The following CADM2 variants were observed in gnomAD, a reference collection of about 807,000 sequenced individuals.
The protein encoded by CADM2 is cell adhesion molecule 2, also known as immunoglobulin superfamily member 4D.
CADM2 carries 12 observed loss-of-function variants against 49.8 expected under a neutral mutation model. The observed-to-expected ratio is 0.24, with a 90% CI of 0.15 to 0.39. CADM2 has a LOEUF of 0.39. CADM2 is among the 10% of genes least tolerant of loss of function. The pLI, the probability that CADM2 is intolerant of heterozygous loss-of-function variation, is 1.00. For synonymous variants in CADM2, 214 were observed against 175.4 expected, an observed-to-expected ratio of 1.22 and a Z score of -1.74; for missense variants, 378 against 492.3, an observed-to-expected ratio of 0.77 and a Z score of 2.20.
At chr3:85,562,943 A>C (rs1039669741) in intron 1 of CADM2, among the ~76,000 whole-genome samples, 1 of 152,196 alleles carries the variant, frequency 6.6e-6, no homozygotes, top group Non-Finnish European at 1.5e-5. Context: ...AAGGGAAATC[A>C]TGGCCTTACA....
chr3:85,460,288 AT>A (rs1203515792), intron 1 of CADM2, among the ~76,000 whole-genome samples: 3 of 151,776 alleles, frequency 2.0e-5, no homozygotes, highest in African/African-American at 4.8e-5. Context: ...AGAAAAAAAA[AT>A]GTGTTATCTA....
intron 1 of CADM2, among the ~76,000 whole-genome samples, chr3:85,339,563 C>T (rs1433709): frequency 6.6e-6 from 1 of 150,382 alleles, no homozygotes; most frequent in African/African-American, 2.4e-5. Flanking sequence ...TTCTATTTTT[C>T]TCATCTTTTC....
intron 1 of CADM2, among the ~76,000 whole-genome samples, chr3:85,147,140 T>G (rs941025148): frequency 1.3e-5 from 2 of 151,322 alleles, no homozygotes; most frequent in Middle Eastern, 3.2e-3. Context: ...CCGGGCATGG[T>G]GGCGGGCGCC....
rs538800765 is a variant in CADM2 at position 85,995,396 on chromosome 3, G to A, written c.970+33749G>A. On this transcript the variant is annotated intron_variant, in intron 8 of 9. Transcript: ENST00000383699. Reference sequence around the variant, plus strand: ...TCTACATAACATGAAGTCACTCAATGTAAAACTTTATTCTTAAGTGACACT... The same window carrying A: ...TCTACATAACATGAAGTCACTCAATATAAAACTTTATTCTTAAGTGACACT... Among the ~76,000 whole-genome samples, 4 of 152,198 alleles carry A rather than the reference G, an allele frequency of 2.6e-5. No individual in the cohort carries two copies. The East Asian group carries it at 7.8e-4, about 30-fold the overall frequency.
chr3:86,040,538 G>T (rs1735744691), intron 8 of CADM2, among the ~76,000 whole-genome samples: 3 of 152,172 alleles, frequency 2.0e-5, no homozygotes, highest in Admixed American at 6.5e-5. Context: ...AGAGAAAAAA[G>T]AATAAAAGAA....
chr3:85,029,868 A>G (rs890487291), intron 1 of CADM2, among the ~76,000 whole-genome samples: 4 of 152,162 alleles, frequency 2.6e-5, no homozygotes, highest in African/African-American at 9.7e-5. Flanking sequence ...GACATTTCTC[A>G]TGTTCCTTCA....
chr3:85,398,691 C>T (rs901831844), intron 1 of CADM2, among the ~76,000 whole-genome samples: 11 of 152,096 alleles, frequency 7.2e-5, no homozygotes, highest in South Asian at 2.1e-4. Flanking sequence ...TTTTAATGAT[C>T]GCCATTGTAA....
At chr3:85,413,550 A>G (rs1391695832) in intron 1 of CADM2, among the ~76,000 whole-genome samples, 1 of 152,164 alleles carries the variant, frequency 6.6e-6, no homozygotes, top group Non-Finnish European at 1.5e-5. Context: ...AGGCCTCAGG[A>G]AACTTACAAT....
intron 1 of CADM2, among the ~76,000 whole-genome samples, chr3:85,648,597 CT>C (rs1000002058): frequency 6.6e-6 from 1 of 151,882 alleles, no homozygotes; most frequent in African/African-American, 2.4e-5. Flanking sequence ...GGGCATATAA[CT>C]TTGTTAAATT....
chr3:85,420,337 T>C (rs1474924831), intron 1 of CADM2, among the ~76,000 whole-genome samples: 2 of 152,236 alleles, frequency 1.3e-5, no homozygotes, highest in African/African-American at 2.4e-5. Context: ...GTCACAGTCA[T>C]TGATCTGTAA....
At chr3:85,284,333 A>G (rs2043576132) in intron 1 of CADM2, among the ~76,000 whole-genome samples, 1 of 152,158 alleles carries the variant, frequency 6.6e-6, no homozygotes, top group Non-Finnish European at 1.5e-5. Flanking sequence ...TTCCATGGAT[A>G]TAGAAAAACT....
chr3:85,829,081 C>T (rs1232005079), intron 3 of CADM2, among the ~76,000 whole-genome samples: 11 of 151,932 alleles, frequency 7.2e-5, no homozygotes, highest in Non-Finnish European at 1.3e-4. Context: ...CTTCTTGTAA[C>T]ACTGATTTAT....
intron 2 of CADM2, among the ~76,000 whole-genome samples, chr3:85,775,312 T>C (rs1301761381): frequency 2.0e-5 from 3 of 151,724 alleles, no homozygotes; most frequent in Non-Finnish European, 4.4e-5. Context: ...TGCAAAACAA[T>C]TTAATTTATC....
At chr3:85,113,823 T>C (rs2038547864) in intron 1 of CADM2, among the ~76,000 whole-genome samples, 1 of 151,986 alleles carries the variant, frequency 6.6e-6, no homozygotes, top group Non-Finnish European at 1.5e-5. Context: ...TTATAACTTA[T>C]GATAGTATAT....
chr3:85,260,222 T>C (rs977731093), intron 1 of CADM2, among the ~76,000 whole-genome samples: 6 of 151,414 alleles, frequency 4.0e-5, no homozygotes. Context: ...TAGTTTGACT[T>C]ATTAATTTGT....
intron 1 of CADM2, among the ~76,000 whole-genome samples, chr3:85,408,672 G>A (rs2035516758): frequency 6.6e-6 from 1 of 152,302 alleles, no homozygotes; most frequent in East Asian, 1.9e-4. Context: ...AGTCGGAGAT[G>A]CTCTCTCTGC....
At chr3:85,834,234 T>C (rs2074308471) in intron 3 of CADM2, among the ~76,000 whole-genome samples, 1 of 151,646 alleles carries the variant, frequency 6.6e-6, no homozygotes, top group Non-Finnish European at 1.5e-5. Flanking sequence ...ACTCTTATGG[T>C]AAGATTTAAA....
At chr3:85,515,093 C>T (rs1470118139) in intron 1 of CADM2, among the ~76,000 whole-genome samples, 1 of 152,130 alleles carries the variant, frequency 6.6e-6, no homozygotes, top group African/African-American at 2.4e-5. Flanking sequence ...TTTATACCCT[C>T]TCACTTAATT....
chr3:85,546,741 G>A (rs931352369), intron 1 of CADM2, among the ~76,000 whole-genome samples: 1 of 151,936 alleles, frequency 6.6e-6, no homozygotes, highest in African/African-American at 2.4e-5. Context: ...TTCTTTATTG[G>A]TAAAGAAAAG....
Sources: gnomAD v4.1 joint callset for allele counts (sites outside exome capture counted in the v4.1 genomes callset) on GRCh38, gnomAD v4.1.1 for gene constraint, MANE v1.5 for transcripts, NCBI Gene and HGNC (gene_info 2026-07-23, HGNC 2026-07-21) for gene names.